Variants in DACH1 observed in about 807,000 individuals in gnomAD.
The protein encoded by DACH1 is dachshund family transcription factor 1.
In DACH1, 12 loss-of-function variants were observed where a neutral mutation model predicts 54.2. That is an observed-to-expected ratio of 0.22 (90% CI 0.14 to 0.36). DACH1 has a LOEUF of 0.36. Ranked by LOEUF, DACH1 falls within the 10% of genes least tolerant of loss-of-function variation. DACH1 has a pLI of 1.00. For missense variants in DACH1, 805 were observed against 929.8 expected (o/e 0.87, Z 1.75); for synonymous variants, 386 against 366.2 (o/e 1.05, Z -0.62).
intron 2 of DACH1, among the ~76,000 whole-genome samples, chr13:71,642,711 A>G (rs1877997616): frequency 6.6e-6 from 1 of 152,056 alleles, no homozygotes; most frequent in Admixed American, 6.6e-5. Flanking sequence ...CTGAACTCCC[A>G]TGGATTGGTT....
At chr13:71,824,636 A>G (rs1161014138) in intron 1 of DACH1, among the ~76,000 whole-genome samples, 1 of 151,964 alleles carries the variant, frequency 6.6e-6, no homozygotes, top group African/African-American at 2.4e-5. Flanking sequence ...CTAAAGCTAC[A>G]ATTCTCCACA....
chr13:71,759,551 A>C (rs1482610802), intron 1 of DACH1, among the ~76,000 whole-genome samples: 1 of 152,204 alleles, frequency 6.6e-6, no homozygotes, highest in Non-Finnish European at 1.5e-5. Flanking sequence ...GGGAATTTAA[A>C]GTTTAGCTTC....
intron 1 of DACH1, among the ~76,000 whole-genome samples, chr13:71,788,426 T>C (rs2138086003): frequency 1.3e-5 from 2 of 152,306 alleles, no homozygotes; most frequent in South Asian, 4.1e-4. Flanking sequence ...TATACATTTC[T>C]GTGTATGTCC....
At chr13:71,559,080 T>C (rs1311429872) in intron 5 of DACH1, among the ~76,000 whole-genome samples, 2 of 152,090 alleles carry the variant, frequency 1.3e-5, no homozygotes, top group Non-Finnish European at 1.5e-5. Flanking sequence ...TAGTCATTTA[T>C]CAAAAGAACA....
chr13:71,831,496 T>C (rs1330648873), intron 1 of DACH1, among the ~76,000 whole-genome samples: 3 of 151,894 alleles, frequency 2.0e-5, no homozygotes, highest in African/African-American at 7.2e-5. Context: ...CCCTCTAAAA[T>C]GAGTCCTAAC....
intron 1 of DACH1, among the ~76,000 whole-genome samples, chr13:71,698,377 C>G (rs1328964358): frequency 1.3e-5 from 2 of 152,100 alleles, no homozygotes; most frequent in East Asian, 3.9e-4. Flanking sequence ...GGCCATCACT[C>G]TGGCAAAGCT....
chr13:71,685,495 T>C (rs1881114187), intron 1 of DACH1, among the ~76,000 whole-genome samples: 2 of 152,160 alleles, frequency 1.3e-5, no homozygotes, highest in South Asian at 4.1e-4. Context: ...ACAACAACTA[T>C]GAACCTCTCG....
At chr13:71,453,378 G>C (rs1282900838) in intron 10 of DACH1, among the ~76,000 whole-genome samples, 1 of 152,046 alleles carries the variant, frequency 6.6e-6, no homozygotes, top group Non-Finnish European at 1.5e-5. Context: ...CAAATAAGAT[G>C]CTACAGAGAA....
chr13:71,705,694 G>A (rs1192178730), intron 1 of DACH1, among the ~76,000 whole-genome samples: 1 of 151,836 alleles, frequency 6.6e-6, no homozygotes, highest in Non-Finnish European at 1.5e-5. Flanking sequence ...GTTATTTTCT[G>A]ATGTTAAAGA....
At chr13:71,461,027 T>C (rs925172450) in intron 10 of DACH1, among the ~76,000 whole-genome samples, 1 of 152,072 alleles carries the variant, frequency 6.6e-6, no homozygotes, top group South Asian at 2.1e-4. Flanking sequence ...TCCTGAACTC[T>C]TAGGGAAATA....
intron 1 of DACH1, among the ~76,000 whole-genome samples, chr13:71,778,123 TAAATA>T: frequency 6.7e-6 from 1 of 149,480 alleles, no homozygotes; most frequent in East Asian, 1.9e-4. Flanking sequence ...AATAAATAAA[TAAATA>T]AATAAATAAA....
chr13:71,648,820 C>T (rs1348078276), intron 2 of DACH1, among the ~76,000 whole-genome samples: 1 of 152,118 alleles, frequency 6.6e-6, no homozygotes, highest in Non-Finnish European at 1.5e-5. Context: ...CAGTTTCCTT[C>T]CTATAATCTC....
intron 3 of DACH1, among the ~76,000 whole-genome samples, chr13:71,591,963 T>C (rs1302245664): frequency 2.0e-5 from 3 of 152,190 alleles, no homozygotes; most frequent in Non-Finnish European, 4.4e-5. Flanking sequence ...GGGAGCTTTT[T>C]CTCTAGAGTT....
chr13:71,572,490 T>C (rs1399959437), intron 4 of DACH1, among the ~76,000 whole-genome samples: 1 of 152,148 alleles, frequency 6.6e-6, no homozygotes. Flanking sequence ...AGCTAGGAAG[T>C]GGCAAAACTT....
chr13:71,784,189 C>T (rs1225896118), intron 1 of DACH1, among the ~76,000 whole-genome samples: 1 of 152,038 alleles, frequency 6.6e-6, no homozygotes, highest in African/African-American at 2.4e-5. Context: ...AGTAGGAGTA[C>T]ATTTGCACTG....
At chr13:71,864,644 T>C (rs2138302157) in intron 1 of DACH1, among the ~76,000 whole-genome samples, 1 of 152,256 alleles carries the variant, frequency 6.6e-6, no homozygotes, top group East Asian at 1.9e-4. Flanking sequence ...CTCTGAACTT[T>C]TGCCTCTGCG....
At chr13:71,627,044 C>A (rs1876694975) in intron 3 of DACH1, among the ~76,000 whole-genome samples, 1 of 151,952 alleles carries the variant, frequency 6.6e-6, no homozygotes, top group Admixed American at 6.6e-5. Context: ...TCGGATCTAT[C>A]CTCAGGTGCT....
intron 3 of DACH1, among the ~76,000 whole-genome samples, chr13:71,576,098 A>G (rs1438099937): frequency 6.6e-6 from 1 of 152,134 alleles, no homozygotes; most frequent in African/African-American, 2.4e-5. Flanking sequence ...ATACACACAT[A>G]AATACCTTTA....
chr13:71,531,748 C>T (rs1399546151), intron 6 of DACH1, among the ~76,000 whole-genome samples: 1 of 151,864 alleles, frequency 6.6e-6, no homozygotes, highest in African/African-American at 2.4e-5. Context: ...TTAATGTTGT[C>T]ATTTTCTGTT....
Sources: gnomAD v4.1 joint callset for allele counts (sites outside exome capture counted in the v4.1 genomes callset) on GRCh38, gnomAD v4.1.1 for gene constraint, MANE v1.5 for transcripts, NCBI Gene and HGNC (gene_info 2026-07-23, HGNC 2026-07-21) for gene names.